Variants in WSB2 observed in about 807,000 individuals in gnomAD.
WSB2 encodes WD repeat and SOCS box-containing protein 2.
In WSB2, 12 loss-of-function variants were observed where a neutral mutation model predicts 48.8. The ratio of observed to expected loss-of-function variants is 0.25; its 90% CI spans 0.16 to 0.40. WSB2 has a LOEUF of 0.40. Ranked by LOEUF, WSB2 falls within the 10% of genes least tolerant of loss-of-function variation. The pLI, the probability that WSB2 is intolerant of heterozygous loss-of-function variation, is 1.00. For missense variants in WSB2, 317 were observed against 506.2 expected (o/e 0.63, Z 3.59); for synonymous variants, 191 against 203.1 (o/e 0.94, Z 0.51).
intron 2 of WSB2, among the ~76,000 whole-genome samples, chr12:118,043,605 C>G (rs909264754): frequency 1.3e-5 from 2 of 152,118 alleles, no homozygotes; most frequent in African/African-American, 4.8e-5. Context: ...CCATTAGGCT[C>G]TGTTAACTTT....
chr12:118,033,925 T>TC lies in WSB2; in HGVS notation c.*270dup. On this transcript the variant is annotated 3_prime_UTR_variant, in exon 9 of 9. Transcript: ENST00000315436. ...TTGAATCAAAACAAGCAGAAAGAGTTCAACACTTGCTGTTCATAACTGGAC... is the reference window on the plus strand; with the variant it reads ...TTGAATCAAAACAAGCAGAAAGAGTTCCAACACTTGCTGTTCATAACTGGAC... 2.3e-6 allele frequency: 1 copy of TC among 438,820 alleles called. No homozygotes were observed. The highest frequency in any genetic ancestry group is 4.2e-6 in the Non-Finnish European group (1 of 239,816). 27.2% of individuals were successfully genotyped at this position (438,820 alleles called of 1,614,324 possible). A position where few individuals can be genotyped will look rare whatever the true frequency, so the allele number is the denominator to read the frequency against.
At chr12:118,039,968 A>C (rs2031595189) in intron 4 of WSB2, among the ~76,000 whole-genome samples, 1 of 151,768 alleles carries the variant, frequency 6.6e-6, no homozygotes, top group African/African-American at 2.4e-5. Context: ...CTGGTCTCGA[A>C]CTCCTGACCT....
chr12:118,034,403 C>A (rs774794578), intron 8 of WSB2, 45 bp from the exon 9 acceptor site: 32 of 1,599,800 alleles, frequency 2.0e-5, no homozygotes, highest in Non-Finnish European at 2.7e-5. Context: ...CTTGGATGTT[C>A]ATGTTTTCAT....
intron 2 of WSB2, among the ~76,000 whole-genome samples, chr12:118,044,591 C>T (rs1193212003): frequency 1.3e-5 from 2 of 152,178 alleles, no homozygotes; most frequent in Non-Finnish European, 2.9e-5. Flanking sequence ...AAAACGAATT[C>T]ACAGGGCTGT....
intron 4 of WSB2, among the ~76,000 whole-genome samples, chr12:118,041,323 CAG>C (rs1246754797): frequency 6.6e-6 from 1 of 152,158 alleles, no homozygotes; most frequent in Non-Finnish European, 1.5e-5. Context: ...GATGAGGATG[CAG>C]AGAGAAGGTG....
At chr12:118,052,838 C>G (rs564999843) in intron 1 of WSB2, among the ~76,000 whole-genome samples, 93 of 152,260 alleles carry the variant, frequency 6.1e-4, no homozygotes, top group Non-Finnish European at 1.0e-3. Flanking sequence ...CAAGGCCTTC[C>G]AATGCATTTC....
Position 118,052,308 on chromosome 12 carries a change from A to G in WSB2, c.182+2T>C. The G allele has an allele frequency of 6.2e-7, 1 of 1,613,760 alleles. No individual in the cohort carries two copies. Among genetic ancestry groups the G allele is most frequent in the Non-Finnish European group, 8.5e-7 (1 of 1,179,664 alleles). ...ATGGGGCCCCAGTACGAGAATACTT[A>G]CAACTGCTCCTCCAACGGCCAGGGG... On this transcript the variant is annotated splice_donor_variant, in intron 2 of 8. Transcript: ENST00000315436. LOFTEE classifies it high-confidence loss of function.
At position 118,060,972 on chromosome 12, in the gene WSB2, C is replaced by G. The variant is rs1023885850; in HGVS notation, c.13+64G>C. 10 of 849,048 alleles carry G rather than the reference C, an allele frequency of 1.2e-5. No homozygotes were observed. Among genetic ancestry groups the G allele is most frequent in the Non-Finnish European group, 1.3e-5 (9 of 704,186 alleles). The allele number at this position is 849,048 out of a possible 1,614,324, so 52.6% of individuals were successfully genotyped here. A position where few individuals can be genotyped will look rare whatever the true frequency, so the allele number is the denominator to read the frequency against. ...CAGCCCGCCCCGGGGTCGCCTCCCC[C>G]CTCCCCGGGGAGAACGGGCCAGGGC... On this transcript the variant is annotated intron_variant, in intron 1 of 8. Transcript: ENST00000315436. The surrounding 1 kb of genome is among the most constrained non-coding windows in gnomAD (Gnocchi z 4.1).
At chr12:118,059,792 A>G (rs1364623605) in intron 1 of WSB2, among the ~76,000 whole-genome samples, 2 of 152,234 alleles carry the variant, frequency 1.3e-5, no homozygotes, top group African/African-American at 2.4e-5. Flanking sequence ...GGTAACACTC[A>G]CTGAAAAGAA....
Position 118,061,116 on chromosome 12 carries a change from C to T in WSB2, c.-68G>A. 2 of 980,450 alleles carry T rather than the reference C, an allele frequency of 2.0e-6. No homozygotes were observed. Among genetic ancestry groups the T allele is most frequent in the Non-Finnish European group, 2.4e-6 (2 of 827,904 alleles). 60.7% of individuals were successfully genotyped at this position (980,450 alleles called of 1,614,324 possible). A position where few individuals can be genotyped will look rare whatever the true frequency, so the allele number is the denominator to read the frequency against. ...GCCCCCCGGGCCGCGGGCCCTCATG[C>T]CGCCCCCGCGCCGCCCGCCCCGGCC... On this transcript the variant is annotated 5_prime_UTR_variant, in exon 1 of 9. Coordinates refer to ENST00000315436, the MANE Select transcript of WSB2 (RefSeq NM_018639.5).
chr12:118,055,681 C>T (rs1231965613), intron 1 of WSB2, among the ~76,000 whole-genome samples: 2 of 124,922 alleles, frequency 1.6e-5, no homozygotes, highest in Admixed American at 1.0e-4. Context: ...ATGGCACAAT[C>T]TCGGCTCACT....
chr12:118,062,102 C>A, upstream of WSB2: 1 of 1,535,254 alleles, frequency 6.5e-7, no homozygotes, highest in Non-Finnish European at 8.7e-7. Flanking sequence ...TACCTACCTA[C>A]GGCGACAGCC....
intron 2 of WSB2, among the ~76,000 whole-genome samples, chr12:118,049,757 C>G (rs889646029): frequency 6.6e-6 from 1 of 152,098 alleles, no homozygotes; most frequent in African/African-American, 2.4e-5. Flanking sequence ...CTTCCAAAAA[C>G]TGCACAAATT....
chr12:118,051,239 G>A (rs2031846562), intron 2 of WSB2, among the ~76,000 whole-genome samples: 1 of 152,116 alleles, frequency 6.6e-6, no homozygotes, highest in South Asian at 2.1e-4. Context: ...ATCCACTGCT[G>A]GTGGGAAAGT....
At chr12:118,047,942 T>C (rs1393364463) in intron 2 of WSB2, among the ~76,000 whole-genome samples, 3 of 152,178 alleles carry the variant, frequency 2.0e-5, no homozygotes, top group Non-Finnish European at 4.4e-5. Context: ...TTTTTGTTTT[T>C]TTAAGAGACA....
Position 118,061,078 on chromosome 12 carries a change from GGCGGGCGCCTCAGCCCCCCGGGCC to G in WSB2, c.-54_-31del. On this transcript the variant is annotated 5_prime_UTR_variant, in exon 1 of 9. An upstream open reading frame in the 5' UTR loses its in-frame stop. Coordinates refer to ENST00000315436, the MANE Select transcript of WSB2 (RefSeq NM_018639.5). ...GACGCGAGCGGCCCCCGCGGCAGGC[GGCGGGCGCCTCAGCCCCCCGGGCC>G]GCGGGCCCTCATGCCGCCCCCGCGC... is the stretch of plus-strand genomic sequence containing the variant. 1.0e-6 allele frequency: 1 copy of G among 981,988 alleles called. No homozygotes were observed. The highest frequency in any genetic ancestry group is 1.2e-6 in the Non-Finnish European group (1 of 829,024). The allele number at this position is 981,988 out of a possible 1,614,324, so 60.8% of individuals were successfully genotyped here.
At chr12:118,034,576 T>TCTCTCTCTCTCTCTCTCTCC in intron 8 of WSB2, 1 of 540,244 alleles carries the variant, frequency 1.9e-6, no homozygotes, top group Non-Finnish European at 3.2e-6. Context: ...ACCAAAGCGC[T>TCTCTCTCTCTCTCTCTCTCC]CTCTCTGTCT....
In WSB2 at chr12:118,035,043, G is replaced by C. The variant is rs2031475097; in HGVS notation, c.995C>G (p.Pro332Arg). The C allele has an allele frequency of 6.2e-7, 1 of 1,614,064 alleles. No homozygotes were observed. Among genetic ancestry groups the C allele is most frequent in the Non-Finnish European group, 8.5e-7 (1 of 1,180,050 alleles). ...TGTGCAGCAAAGCCCATTGGTCATA[G>C]GAGCAAATGCAATGGGAGTTTTCAG... Reference protein sequence around the residue: ...LELKTPIAFAPMTNGLCCTFF... With the variant: ...LELKTPIAFARMTNGLCCTFF... The change falls in exon 8 of 9, where the codon CCT (proline) becomes CGT (arginine). Residue 332 changes from proline to arginine, a missense_variant. Around this residue, in one of 2 missense-constraint regions of WSB2, gnomAD observed 189 missense variants for 349.6 expected, o/e 0.54. Coordinates refer to ENST00000315436, the MANE Select transcript of WSB2 (RefSeq NM_018639.5).
chr12:118,038,599 T>TC (rs1195882816), intron 4 of WSB2, among the ~76,000 whole-genome samples: 2 of 152,182 alleles, frequency 1.3e-5, no homozygotes, highest in Non-Finnish European at 2.9e-5. Flanking sequence ...ATATTCTAAT[T>TC]CCCCACGGAA....
Sources: allele counts gnomAD v4.1 joint callset (sites outside exome capture counted in the v4.1 genomes callset), GRCh38; gene constraint gnomAD v4.1.1; regional missense constraint gnomAD v4.1.1; non-coding constraint Gnocchi (gnomAD v3.1); transcripts MANE v1.5; gene names NCBI Gene and HGNC (gene_info 2026-07-23, HGNC 2026-07-21).